Variants in HS6ST3 observed in about 807,000 individuals in gnomAD.
HS6ST3 encodes the protein heparan-sulfate 6-O-sulfotransferase 3.
A neutral mutation model predicts 36.7 loss-of-function variants in HS6ST3; 12 were observed. That is an observed-to-expected ratio of 0.33 (90% CI 0.21 to 0.53). The LOEUF is 0.53. Ranked by LOEUF, HS6ST3 falls within the 20% of genes least tolerant of loss-of-function variation. The pLI, the probability that HS6ST3 is intolerant of heterozygous loss-of-function variation, is 0.95. For synonymous variants in HS6ST3, 240 were observed against 257.5 expected, an observed-to-expected ratio of 0.93 and a Z score of 0.65; for missense variants, 584 against 640.9, an observed-to-expected ratio of 0.91 and a Z score of 0.96.
At chr13:96,418,524 A>G (rs976221377) in intron 1 of HS6ST3, among the ~76,000 whole-genome samples, 3 of 152,184 alleles carry the variant, frequency 2.0e-5, no homozygotes, top group Non-Finnish European at 2.9e-5. Context: ...CAGGCAGGGA[A>G]GCAAGATAAG....
chr13:96,592,829 T>C (rs2056387570), intron 1 of HS6ST3, among the ~76,000 whole-genome samples: 1 of 152,230 alleles, frequency 6.6e-6, no homozygotes, highest in Admixed American at 6.5e-5. Flanking sequence ...TTGTATGTTA[T>C]TTGTCAATTT....
At chr13:96,509,777 T>G (rs944537378) in intron 1 of HS6ST3, among the ~76,000 whole-genome samples, 1 of 152,230 alleles carries the variant, frequency 6.6e-6, no homozygotes, top group Admixed American at 6.5e-5. Flanking sequence ...TCTGGTGATA[T>G]TATGCTTCCA....
chr13:96,120,118 T>C (rs2053918320), intron 1 of HS6ST3, among the ~76,000 whole-genome samples: 1 of 152,128 alleles, frequency 6.6e-6, no homozygotes, highest in Non-Finnish European at 1.5e-5. Flanking sequence ...AAGAATGCCC[T>C]GTGAGAGGGA....
chr13:96,817,868 G>A (rs1201878661), intron 1 of HS6ST3, among the ~76,000 whole-genome samples: 1 of 152,094 alleles, frequency 6.6e-6, no homozygotes, highest in East Asian at 1.9e-4. Flanking sequence ...GTGTTATTCT[G>A]TTGCTTAAGG....
At chr13:96,657,688 A>C (rs1053921432) in intron 1 of HS6ST3, among the ~76,000 whole-genome samples, 5 of 152,192 alleles carry the variant, frequency 3.3e-5, no homozygotes, top group African/African-American at 1.2e-4. Context: ...GACGGTGGAC[A>C]TGCTAATACC....
At chr13:96,749,000 C>T (rs941600347) in intron 1 of HS6ST3, among the ~76,000 whole-genome samples, 3 of 152,046 alleles carry the variant, frequency 2.0e-5, no homozygotes, top group Non-Finnish European at 2.9e-5. Context: ...ATACTTTTAG[C>T]TCGTCAGATT....
chr13:96,796,290 G>A (rs771670345), intron 1 of HS6ST3, among the ~76,000 whole-genome samples: 8 of 151,992 alleles, frequency 5.3e-5, no homozygotes, highest in Non-Finnish European at 1.0e-4. Flanking sequence ...ACATGACAGC[G>A]ATAAACAGAT....
intron 1 of HS6ST3, among the ~76,000 whole-genome samples, chr13:96,634,545 G>A (rs1260520230): frequency 6.6e-6 from 1 of 152,226 alleles, no homozygotes; most frequent in Non-Finnish European, 1.5e-5. Flanking sequence ...CTCAGTATGA[G>A]TGTCTTTGCT....
At chr13:96,478,671 T>C (rs2055875636) in intron 1 of HS6ST3, among the ~76,000 whole-genome samples, 1 of 152,186 alleles carries the variant, frequency 6.6e-6, no homozygotes, top group Non-Finnish European at 1.5e-5. Flanking sequence ...AGCGTTTGCT[T>C]TGTGCCTCTC....
rs539451699 is a variant in HS6ST3 at position 96,348,192 on chromosome 13, T to C, written c.707+256623T>C. The stretch of plus-strand genomic sequence containing the variant: ...TCTTTTCTGCATATTAAAGCAGCAC[T>C]TGACTGGAAAATTCAAGGATGTCAA... On this transcript the variant is annotated intron_variant, in intron 1 of 1. Transcript: ENST00000376705. Among the ~76,000 whole-genome samples, 4 of 152,346 alleles carry C rather than the reference T, an allele frequency of 2.6e-5. No homozygotes were observed. In the East Asian group the frequency reaches 7.7e-4, roughly 29 times the overall value.
rs544792016 is a variant in HS6ST3, at chr13:96,235,521, C to T, written c.707+143952C>T. On this transcript the variant is annotated intron_variant, in intron 1 of 1. Coordinates refer to ENST00000376705, the MANE Select transcript of HS6ST3 (RefSeq NM_153456.4). The stretch of plus-strand genomic sequence containing the variant: ...AGTAAGATGGGATCACCATTCCTAG[C>T]AAATAAATCTAAAATACCAACAAAA... Among the ~76,000 whole-genome samples, 12 of 152,124 alleles carry T rather than the reference C, an allele frequency of 7.9e-5. 2 individuals are homozygous for T. Among genetic ancestry groups the T allele is most frequent in the Admixed American group, 7.9e-4 (12 of 15,270 alleles).
chr13:96,187,104 ACTTTG>A (rs2054268429), intron 1 of HS6ST3, among the ~76,000 whole-genome samples: 1 of 152,168 alleles, frequency 6.6e-6, no homozygotes, highest in African/African-American at 2.4e-5. Flanking sequence ...CATGTCCTCT[ACTTTG>A]GTACTGGCAG....
chr13:96,339,416 A>T (rs747768703), intron 1 of HS6ST3, among the ~76,000 whole-genome samples: 2 of 152,164 alleles, frequency 1.3e-5, no homozygotes, highest in Non-Finnish European at 2.9e-5. Flanking sequence ...AGGATCTCTC[A>T]TATTCTTCTC....
chr13:96,275,056 A>T (rs2054741386), intron 1 of HS6ST3, among the ~76,000 whole-genome samples: 1 of 152,018 alleles, frequency 6.6e-6, no homozygotes, highest in South Asian at 2.1e-4. Context: ...TCTTGGGAGT[A>T]AAAAAACCTC....
At chr13:96,720,897 T>A (rs2138468601) in intron 1 of HS6ST3, among the ~76,000 whole-genome samples, 1 of 152,292 alleles carries the variant, frequency 6.6e-6, no homozygotes, top group South Asian at 2.1e-4. Flanking sequence ...AAAAGAACAA[T>A]TCACATTAGC....
At chr13:96,220,905 T>G (rs2054451778) in intron 1 of HS6ST3, among the ~76,000 whole-genome samples, 1 of 152,202 alleles carries the variant, frequency 6.6e-6, no homozygotes, top group African/African-American at 2.4e-5. Context: ...CATTAAGAAA[T>G]TACTCAATTA....
At chr13:96,714,199 A>T (rs1209449367) in intron 1 of HS6ST3, among the ~76,000 whole-genome samples, 1 of 152,216 alleles carries the variant, frequency 6.6e-6, no homozygotes. Context: ...TAAAAAGTAT[A>T]ACGTCTATAT....
chr13:96,378,804 T>A (rs564447245), intron 1 of HS6ST3, among the ~76,000 whole-genome samples: 1 of 152,282 alleles, frequency 6.6e-6, no homozygotes, highest in South Asian at 2.1e-4. Context: ...TATAAAGCGG[T>A]GACTTTTCTA....
chr13:96,739,653 T>C (rs11841125), intron 1 of HS6ST3, among the ~76,000 whole-genome samples: 18,112 of 152,070 alleles, frequency 0.12, 1,297 homozygotes, highest in East Asian at 0.21. Context: ...TTTCTCACCA[T>C]GATTATTCTA....
Sources: allele counts gnomAD v4.1 joint callset (sites outside exome capture counted in the v4.1 genomes callset), GRCh38; gene constraint gnomAD v4.1.1; transcripts MANE v1.5; gene names NCBI Gene and HGNC (gene_info 2026-07-23, HGNC 2026-07-21).